Variants in PDCD1 observed in about 807,000 individuals in gnomAD.
The protein encoded by PDCD1 is programmed cell death 1.
PDCD1 carries 10 observed loss-of-function variants against 23.6 expected under a neutral mutation model. The observed-to-expected ratio is 0.42, with a 90% CI of 0.26 to 0.72. The LOEUF (loss-of-function observed/expected upper bound fraction) is 0.72, where lower values mean the gene tolerates loss of function less well. Among genes scored for constraint, PDCD1 ranks in the 30% least tolerant of loss-of-function variants. The probability of loss-of-function intolerance (pLI) is 0.24; values close to 1 mark genes in which losing one functional copy is unlikely to be tolerated. For missense variants in PDCD1, 313 were observed against 397.8 expected (o/e 0.79, Z 1.81); for synonymous variants, 168 against 169.3 (o/e 0.99, Z 0.06).
intron 1 of PDCD1, among the ~76,000 whole-genome samples, chr2:241,856,905 G>A (rs1701039489): frequency 6.6e-6 from 1 of 152,356 alleles, no homozygotes. Flanking sequence ...AGCCTTGCCA[G>A]GAGGCGTCCT....
intron 3 of PDCD1, 94 bp downstream of exon 3, chr2:241,852,104 G>A (rs1700914732): frequency 6.9e-7 from 1 of 1,455,434 alleles, no homozygotes; most frequent in Admixed American, 2.2e-5. Context: ...GGGAGGTGGG[G>A]TGGGGTGAGG....
At chr2:241,858,161 G>A (rs1453113132) in intron 1 of PDCD1, among the ~76,000 whole-genome samples, 2 of 152,226 alleles carry the variant, frequency 1.3e-5, no homozygotes, top group African/African-American at 4.8e-5. Flanking sequence ...ACCCAGGAGG[G>A]ATCCTGGAGA....
intron 1 of PDCD1, among the ~76,000 whole-genome samples, chr2:241,855,032 G>A (rs939855323): frequency 2.0e-5 from 3 of 152,188 alleles, no homozygotes; most frequent in Non-Finnish European, 4.4e-5. Context: ...CTGTGCTGGC[G>A]CTGACAGGCT....
chr2:241,857,836 G>A (rs1184654086), intron 1 of PDCD1, among the ~76,000 whole-genome samples: 1 of 152,212 alleles, frequency 6.6e-6, no homozygotes, highest in Non-Finnish European at 1.5e-5. Context: ...CCTCCCAGTG[G>A]TGTCACACCC....
In PDCD1 at chr2:241,850,611, A is replaced by G. The variant is rs1182122737; in HGVS notation, c.*447T>C. 2.3e-6 allele frequency: 1 copy of G among 438,112 alleles called. No homozygotes were observed. The highest frequency in any genetic ancestry group is 4.3e-6 in the Non-Finnish European group (1 of 232,722). 27.1% of individuals were successfully genotyped at this position (438,112 alleles called of 1,614,324 possible). A position where few individuals can be genotyped will look rare whatever the true frequency, so the allele number is the denominator to read the frequency against. On this transcript the variant is annotated 3_prime_UTR_variant, in exon 5 of 5. Transcript: ENST00000334409. ...TGCGTCCAGGGCGTTTCGGGATGCC[A>G]CTGCCAGGGGCACCTTGGCTGCTCC... is the stretch of plus-strand genomic sequence containing the variant.
rs746998612 is a variant in PDCD1 at position 241,852,775 on chromosome 2, G to A, written c.282C>T (p.Arg94=). ...CGTTGGGCAGTTGTGTGACACGGAA[G>A]CGGCAGTCCTGGCCGGGCTGGCTGC... ...EDRSQPGQDC[R]FRVTQLPNGR... The change falls in exon 2 of 5, where the codon CGC becomes CGT. Residue 94 remains arginine, a synonymous_variant. Transcript: ENST00000334409. 6.2e-7 allele frequency: 1 copy of A among 1,614,044 alleles called. No homozygotes were observed. The highest frequency in any genetic ancestry group is 1.6e-4 in the Middle Eastern group (1 of 6,062).
chr2:241,851,331 C>G (rs55855640), intron 4 of PDCD1, 34 bp from the exon 5 acceptor site: 1 of 1,568,660 alleles, frequency 6.4e-7, no homozygotes, highest in Non-Finnish European at 8.7e-7. Flanking sequence ...GTCAGCCCCA[C>G]GGCCCACCGC....
At chr2:241,852,568 C>A in intron 2 of PDCD1, 53 bp downstream of exon 2, 1 of 1,580,316 alleles carries the variant, frequency 6.3e-7, no homozygotes, top group Admixed American at 1.7e-5. Context: ...GAGGGGACAC[C>A]CACCCCAGGA....
chr2:241,857,355 C>T (rs1701048247), intron 1 of PDCD1, among the ~76,000 whole-genome samples: 1 of 152,178 alleles, frequency 6.6e-6, no homozygotes, highest in Non-Finnish European at 1.5e-5. Context: ...GCGCGGGCAC[C>T]TGAGGCACGA....
chr2:241,852,424 A>C, intron 2 of PDCD1, 71 bp from the exon 3 acceptor site: 1 of 1,158,964 alleles, frequency 8.6e-7, no homozygotes, highest in Non-Finnish European at 1.2e-6. Flanking sequence ...GTGAGGGCAG[A>C]CTAGAGGGGC....
chr2:241,857,401 C>T (rs776505256), intron 1 of PDCD1, among the ~76,000 whole-genome samples: 5 of 152,172 alleles, frequency 3.3e-5, no homozygotes, highest in African/African-American at 1.2e-4. Context: ...TTATCTTTCC[C>T]GCCTGGGTCG....
rs760163909 is a variant in PDCD1 at position 241,851,174 on chromosome 2, T to C, written c.751A>G (p.Ile251Val). 3.1e-6 allele frequency: 5 copies of C among 1,613,242 alleles called. No homozygotes were observed. The highest frequency in any genetic ancestry group is 2.2e-5 in the East Asian group (1 of 44,862). ...GTGCCCATTCCGCTAGGAAAGACAA[T>C]GGTGGCATACTCCGTCTGCTCAGGG... ...CVPEQTEYAT[I>V]VFPSGMGTSS... Residue 251 changes from isoleucine (I) to valine (V), a missense_variant, in exon 5 of 5, where the codon ATT becomes GTT. By Grantham distance (29) the Ile-to-Val change is conservative (BLOSUM62 3). Transcript: ENST00000334409.
intron 1 of PDCD1, among the ~76,000 whole-genome samples, chr2:241,853,984 C>T (rs762411906): frequency 2.0e-5 from 3 of 152,196 alleles, no homozygotes; most frequent in East Asian, 1.9e-4. Context: ...CTGGGACAGG[C>T]GGCCTCCGTG....
intron 4 of PDCD1, among the ~76,000 whole-genome samples, chr2:241,851,714 G>A (rs551930089): frequency 6.7e-6 from 1 of 149,982 alleles, no homozygotes; most frequent in African/African-American, 2.5e-5. Flanking sequence ...AGGCACCCCT[G>A]GAGACCGCAG....
At chr2:241,852,090 TG>T in intron 3 of PDCD1, 107 bp from the exon 4 acceptor site, 7 of 221,142 alleles carry the variant, frequency 3.2e-5, no homozygotes, top group Middle Eastern at 1.3e-3. Flanking sequence ...GGCGGGGAGA[TG>T]GGGGGAGGTG....
rs1700939528 is a variant in PDCD1 at position 241,852,972 on chromosome 2, C to A, written c.85G>T (p.Asp29Tyr). The change falls in exon 2 of 5, where the codon GAC (aspartate) becomes TAC (tyrosine). Residue 29 changes from aspartate to tyrosine, a missense_variant. Around this residue, in one of 3 missense-constraint regions of PDCD1, gnomAD observed 135 missense variants for 166.9 expected, o/e 0.81. Coordinates refer to ENST00000334409, the MANE Select transcript of PDCD1 (RefSeq NM_005018.3). ...WRPGWFLDSP[D>Y]RPWNPPTFSP... is the part of the protein sequence containing the mutation. ...AAGGTGGGGGGGTTCCAGGGCCTGT[C>A]TGGGGAGTCTGAGAGATGGAGAGAG... 3.2e-6 allele frequency: 5 copies of A among 1,556,232 alleles called. No individual in the cohort carries two copies. Among genetic ancestry groups the A allele is most frequent in the Non-Finnish European group, 4.3e-6 (5 of 1,157,176 alleles).
At chr2:241,854,676 C>T (rs7603052) in intron 1 of PDCD1, among the ~76,000 whole-genome samples, 81,809 of 151,992 alleles carry the variant, frequency 0.54, 23,612 homozygotes, top group South Asian at 0.73. Context: ...GGGAAATGCC[C>T]TGCCCTCTGG....
intron 1 of PDCD1, among the ~76,000 whole-genome samples, chr2:241,856,325 G>A (rs1701026640): frequency 6.6e-6 from 1 of 152,216 alleles, no homozygotes; most frequent in Non-Finnish European, 1.5e-5. Flanking sequence ...CCCTCAGTCG[G>A]CGAGAGGGCA....
Position 241,850,494 on chromosome 2 carries a change from C to T in PDCD1, c.*564G>A. The T allele has an allele frequency of 3.7e-6, 1 of 269,504 alleles. No individual in the cohort carries two copies. Among genetic ancestry groups the T allele is most frequent in the Non-Finnish European group, 7.2e-6 (1 of 139,708 alleles). 16.7% of individuals were successfully genotyped at this position (269,504 alleles called of 1,614,324 possible). A position where few individuals can be genotyped will look rare whatever the true frequency, so the allele number is the denominator to read the frequency against. On this transcript the variant is annotated 3_prime_UTR_variant, in exon 5 of 5. Transcript: ENST00000334409. ...ACAGCCAGGAGCTCTTCTGACCTTC[C>T]CTGAAACTTCTCTAGGCCTGCAGGG...
Sources: gnomAD v4.1 joint callset for allele counts (sites outside exome capture counted in the v4.1 genomes callset) on GRCh38, gnomAD v4.1.1 for gene constraint, gnomAD v4.1.1 regional missense constraint, MANE v1.5 for transcripts, NCBI Gene and HGNC (gene_info 2026-07-23, HGNC 2026-07-21) for gene names.